The following ASRGL1 variants were observed in gnomAD, a reference collection of about 807,000 sequenced individuals.
The protein encoded by ASRGL1 is asparaginase and isoaspartyl peptidase 1.
A neutral mutation model predicts 22.4 loss-of-function variants in ASRGL1; 16 were observed. The ratio of observed to expected loss-of-function variants is 0.71; its 90% CI spans 0.48 to 1.08. ASRGL1 has a LOEUF of 1.08. Ranked by LOEUF, ASRGL1 falls within the 50% of genes least tolerant of loss-of-function variation. The pLI is 0.00. For missense variants in ASRGL1, 412 were observed against 410.1 expected, an observed-to-expected ratio of 1.00 and a Z score of -0.04; for synonymous variants, 165 against 159.3, an observed-to-expected ratio of 1.04 and a Z score of -0.27.
chr11:62,397,251 A>G (rs1349584377), downstream of ASRGL1, among the ~76,000 whole-genome samples: 2 of 152,064 alleles, frequency 1.3e-5, no homozygotes, highest in Admixed American at 6.5e-5. Context: ...GATAGTCTTG[A>G]TTTCTTGACC....
intron 4 of ASRGL1, chr11:62,372,206 C>G (rs1946790643): frequency 3.4e-6 from 4 of 1,179,512 alleles, no homozygotes; most frequent in Non-Finnish European, 3.8e-6. Flanking sequence ...CACCGAGGGT[C>G]TCAGCCACGA....
At chr11:62,348,690 G>A (rs546899233) in intron 2 of ASRGL1, among the ~76,000 whole-genome samples, 37 of 150,348 alleles carry the variant, frequency 2.5e-4, no homozygotes, top group African/African-American at 7.3e-4. Context: ...GTGACAGAGC[G>A]AGACTCCTCC....
At chr11:62,388,490 T>C (rs1947264876) in intron 4 of ASRGL1, among the ~76,000 whole-genome samples, 1 of 151,988 alleles carries the variant, frequency 6.6e-6, no homozygotes, top group African/African-American at 2.4e-5. Flanking sequence ...AAGATGATGA[T>C]GAAACCCTGT....
chr11:62,395,381 G>C (rs900306960), downstream of ASRGL1, among the ~76,000 whole-genome samples: 1 of 152,088 alleles, frequency 6.6e-6, no homozygotes, highest in Non-Finnish European at 1.5e-5. Context: ...AGCACAAGAC[G>C]GGCCCTGAGC....
intron 2 of ASRGL1, among the ~76,000 whole-genome samples, chr11:62,356,047 C>T (rs1415460738): frequency 2.6e-5 from 4 of 152,230 alleles, no homozygotes; most frequent in African/African-American, 7.2e-5. Context: ...GGCAACCATC[C>T]GACTTCTCAA....
In ASRGL1 at chr11:62,365,774, A is replaced by G. The variant is rs376859555; in HGVS notation, c.491+8630A>G. The stretch of plus-strand genomic sequence containing the variant: ...CTGAAGCAGAGAATTCCTTAAACCC[A>G]GGAGGCAGAGGCTGCTGTGAGCTGA... On this transcript the variant is annotated intron_variant, in intron 4 of 6. Coordinates refer to ENST00000415229, the MANE Select transcript of ASRGL1 (RefSeq NM_001083926.2). Among the ~76,000 whole-genome samples, 232 of 152,198 alleles carry G rather than the reference A, an allele frequency of 1.5e-3. 3 individuals are homozygous for G. The South Asian group carries it at 0.021, about 14-fold the overall frequency.
chr11:62,396,642 C>G (rs1418008148), downstream of ASRGL1, among the ~76,000 whole-genome samples: 2 of 152,190 alleles, frequency 1.3e-5, no homozygotes, highest in Non-Finnish European at 2.9e-5. Context: ...AAGACCAGCA[C>G]ACATGGACAG....
intron 2 of ASRGL1, among the ~76,000 whole-genome samples, chr11:62,343,296 T>C (rs770258680): frequency 2.0e-5 from 3 of 147,066 alleles, no homozygotes; most frequent in Non-Finnish European, 4.4e-5. Context: ...GAGAATCTCT[T>C]GAACCTGGGA....
intron 4 of ASRGL1, among the ~76,000 whole-genome samples, chr11:62,360,279 C>T (rs756428333): frequency 2.6e-5 from 4 of 151,220 alleles, no homozygotes; most frequent in Admixed American, 6.6e-5. Flanking sequence ...CCGCCCACCT[C>T]GGCCTCCCAA....
intron 4 of ASRGL1, among the ~76,000 whole-genome samples, chr11:62,386,982 T>C (rs1806095775): frequency 6.6e-6 from 1 of 151,524 alleles, no homozygotes; most frequent in African/African-American, 2.4e-5. Context: ...AGCCTCCACC[T>C]CCTGGGTTCA....
chr11:62,388,324 C>G (rs1370921251), intron 4 of ASRGL1, among the ~76,000 whole-genome samples: 5 of 152,112 alleles, frequency 3.3e-5, no homozygotes, highest in African/African-American at 1.2e-4. Context: ...CAACCCCATG[C>G]ACAGGGTCCA....
intron 2 of ASRGL1, among the ~76,000 whole-genome samples, chr11:62,354,607 G>A (rs909993305): frequency 2.4e-4 from 37 of 152,218 alleles, no homozygotes; most frequent in African/African-American, 8.4e-4. Context: ...TATTCGAGAC[G>A]GCTGCTAAGT....
chr11:62,351,476 G>A (rs1280277973), intron 2 of ASRGL1, among the ~76,000 whole-genome samples: 1 of 151,760 alleles, frequency 6.6e-6, no homozygotes, highest in Admixed American at 6.6e-5. Flanking sequence ...ATGGTGAAAC[G>A]CCGTCCCTAC....
chr11:62,359,544 C>T (rs1239120239), intron 4 of ASRGL1, among the ~76,000 whole-genome samples: 3 of 152,064 alleles, frequency 2.0e-5, no homozygotes, highest in Non-Finnish European at 4.4e-5. Context: ...AGATGTCTTG[C>T]TCTTTTTTTG....
chr11:62,380,693 T>TGGAACCTAATAATGTTCTCATATAAGG (rs1947044308), intron 4 of ASRGL1, among the ~76,000 whole-genome samples: 1 of 152,158 alleles, frequency 6.6e-6, no homozygotes, highest in Non-Finnish European at 1.5e-5. Context: ...CCATGAGCAG[T>TGGAACCTAATAATGTTCTCATATAAGG]GGAACCTAAT....
At chr11:62,398,674 C>G in the ASRGL1 span, among the ~76,000 whole-genome samples, 1 of 152,234 alleles carries the variant, frequency 6.6e-6, no homozygotes, top group Admixed American at 6.5e-5. Context: ...CCCACTCCCG[C>G]TAGCGGCGGC....
rs1243730816 is a variant in ASRGL1, at chr11:62,373,069, C to G, written c.491+15925C>G. ...ACTCTGCATGGCATTTTCTCAGAGC[C>G]GGTCGCCATGGGCTACTCACACTCC... is the stretch of plus-strand genomic sequence containing the variant. On this transcript the variant is annotated intron_variant, in intron 4 of 6. Transcript: ENST00000415229. The G allele has an allele frequency of 2.8e-6, 4 of 1,440,836 alleles. No homozygotes were observed. The East Asian group carries it at 6.8e-5, about 25-fold the overall frequency. 89.3% of individuals were successfully genotyped at this position (1,440,836 alleles called of 1,614,324 possible).
In ASRGL1 at chr11:62,373,117, G is replaced by A. The variant is rs1251489003; in HGVS notation, c.491+15973G>A. On this transcript the variant is annotated intron_variant, in intron 4 of 6. Coordinates refer to ENST00000415229, the MANE Select transcript of ASRGL1 (RefSeq NM_001083926.2). ...TCCTTGGTGATAGCAAGAGATGAAA[G>A]TGAAACTGAGAAAGAAAAGATCAAG... is the stretch of plus-strand genomic sequence containing the variant. 2.0e-6 allele frequency: 3 copies of A among 1,466,900 alleles called. No individual in the cohort carries two copies. In the African/African-American group the frequency reaches 4.2e-5, roughly 20 times the overall value. The allele number at this position is 1,466,900 out of a possible 1,614,324, so 90.9% of individuals were successfully genotyped here. A position where few individuals can be genotyped will look rare whatever the true frequency, so the allele number is the denominator to read the frequency against.
intron 2 of ASRGL1, among the ~76,000 whole-genome samples, chr11:62,348,572 T>A (rs1946089917): frequency 6.6e-6 from 1 of 151,868 alleles, no homozygotes; most frequent in East Asian, 1.9e-4. Context: ...GCGTGGTGTC[T>A]CACGCCAGTA....
Sources: gnomAD v4.1 joint callset for allele counts (sites outside exome capture counted in the v4.1 genomes callset) on GRCh38, gnomAD v4.1.1 for gene constraint, MANE v1.5 for transcripts, NCBI Gene and HGNC (gene_info 2026-07-23, HGNC 2026-07-21) for gene names.